TELO2: variants seen among roughly 807,000 people sequenced by gnomAD.
TELO2 encodes the protein telomere length regulation protein TEL2 homolog.
TELO2 carries 71 observed loss-of-function variants against 91.0 expected under a neutral mutation model. That is an observed-to-expected ratio of 0.78 (90% CI 0.64 to 0.95). TELO2 has a LOEUF of 0.95. Among genes scored for constraint, TELO2 ranks in the 40% least tolerant of loss-of-function variants. The pLI, the probability that TELO2 is intolerant of heterozygous loss-of-function variation, is 0.00. For missense variants in TELO2, 1,183 were observed against 1,141.3 expected (o/e 1.04, Z -0.53); for synonymous variants, 584 against 518.9 (o/e 1.13, Z -1.71).
intron 17 of TELO2, 89 bp downstream of exon 17, chr16:1,506,418 GT>G: frequency 6.2e-7 from 1 of 1,607,814 alleles, no homozygotes; most frequent in Admixed American, 1.7e-5. Context: ...TGGGATCTGA[GT>G]GGGTTTGGGT....
intron 20 of TELO2, 133 bp downstream of exon 20, chr16:1,507,849 G>T: frequency 1.3e-5 from 4 of 304,552 alleles, no homozygotes; most frequent in Admixed American, 4.4e-5. Flanking sequence ...GTTGGCCCGG[G>T]GTGTGTGTGT....
Position 1,494,669 on chromosome 16 carries a change from AGT to A in TELO2, c.335+55_335+56del. 1 of 1,534,882 alleles carries A rather than the reference AGT, an allele frequency of 6.5e-7. No homozygotes were observed. The highest frequency in any genetic ancestry group is 8.8e-7 in the Non-Finnish European group (1 of 1,137,066). On this transcript the variant is annotated intron_variant, in intron 2 of 20. Transcript: ENST00000262319. This position sits in a 1 kb window ranked among gnomAD's most constrained non-coding sequence, Gnocchi z 5.6. Reference sequence around the variant, plus strand: ...TGCCGGTAGCCTCAGAAGTGATGAGAGTGGCTTGAAGGACTGGACCAAGAGCC... The same window carrying A: ...TGCCGGTAGCCTCAGAAGTGATGAGAGGCTTGAAGGACTGGACCAAGAGCC...
Position 1,502,305 on chromosome 16 carries a change from C to T in TELO2, c.1562-8C>T, listed in dbSNP as rs1359944148. On this transcript the variant is annotated splice_region_variant and splice_polypyrimidine_tract_variant and intron_variant, in intron 12 of 20. Transcript: ENST00000262319. ...AGGCTGACCGAGGCCTCTCTGGGTTCTGTGCAGCCCTGACCACGTCTGAGG... is the reference window on the plus strand; with the variant it reads ...AGGCTGACCGAGGCCTCTCTGGGTTTTGTGCAGCCCTGACCACGTCTGAGG... 3.8e-6 allele frequency: 6 copies of T among 1,597,776 alleles called. No homozygotes were observed. Among genetic ancestry groups the T allele is most frequent in the African/African-American group, 1.3e-5 (1 of 74,666 alleles).
intron 9 of TELO2, among the ~76,000 whole-genome samples, chr16:1,500,929 C>T (rs530172206): frequency 1.3e-5 from 2 of 152,340 alleles, no homozygotes; most frequent in East Asian, 1.9e-4. Context: ...TGCCTGGACA[C>T]GTTCACAGAC....
chr16:1,503,655 C>T (rs919970151), intron 15 of TELO2, among the ~76,000 whole-genome samples: 1 of 152,160 alleles, frequency 6.6e-6, no homozygotes, highest in African/African-American at 2.4e-5. Flanking sequence ...TTAAGCGAGC[C>T]GTCCGGAGGA....
chr16:1,497,176 G>C lies in TELO2; in HGVS notation c.682+72G>C. ...GCCCATCAGCCTTCTGCAGAAGGCC[G>C]AGAATCCCTCCTGACCCTGGCCCTC... On this transcript the variant is annotated intron_variant, in intron 4 of 20. Transcript: ENST00000262319. The surrounding 1 kb of genome is among the most constrained non-coding windows in gnomAD (Gnocchi z 4.0). The C allele has an allele frequency of 6.3e-7, 1 of 1,589,134 alleles. No homozygotes were observed. The highest frequency in any genetic ancestry group is 8.6e-7 in the Non-Finnish European group (1 of 1,163,310).
Position 1,499,262 on chromosome 16 carries a change from C to G in TELO2, c.862C>G (p.Leu288Val). ...PEVLSRLLGN[L>V]VVKNKKAQFV... Reference sequence around the variant, plus strand: ...GGTCCTTTCGAGACTGCTGGGGAACCTGGTGGTGAAGAACAAGAAGGCCCA... The same window carrying G: ...GGTCCTTTCGAGACTGCTGGGGAACGTGGTGGTGAAGAACAAGAAGGCCCA... Residue 288 changes from leucine to valine, a missense_variant, in exon 6 of 21, where the codon CTG (leucine) becomes GTG (valine). Physicochemically the swap from Leu to Val is conservative, Grantham distance 32. Coordinates refer to ENST00000262319, the MANE Select transcript of TELO2 (RefSeq NM_016111.4). 2 of 1,614,066 alleles carry G rather than the reference C, an allele frequency of 1.2e-6. No individual in the cohort carries two copies.
At chr16:1,503,968 C>A (rs2039794710) in intron 15 of TELO2, among the ~76,000 whole-genome samples, 2 of 151,834 alleles carry the variant, frequency 1.3e-5, no homozygotes, top group Non-Finnish European at 2.9e-5. Context: ...CCTGTCATCT[C>A]CACCAGAAGA....
intron 6 of TELO2, among the ~76,000 whole-genome samples, chr16:1,499,822 A>G (rs1047147677): frequency 1.3e-5 from 2 of 152,240 alleles, no homozygotes; most frequent in African/African-American, 2.4e-5. Context: ...GCCCTGCCCC[A>G]GCACGGCAGC....
chr16:1,496,243 C>A (rs1338431607), intron 3 of TELO2, among the ~76,000 whole-genome samples: 7 of 152,228 alleles, frequency 4.6e-5, no homozygotes, highest in Non-Finnish European at 1.0e-4. Context: ...AAACTCCCTC[C>A]CTCGCTCAGG....
rs368691900 is a variant in TELO2, at chr16:1,507,625, G to C, written c.2316G>C (p.Ser772=). ...GCTACGTGCGCCAGGGGCTGTTGTC[G>C]GCCGTCTCCTCCGTCCTGCTCAGCC... ...IDAYVRQGLL[S]AVSSVLLSLP... The change falls in exon 20 of 21, where the codon TCG becomes TCC. Residue 772 remains serine (S), a synonymous_variant. Coordinates refer to ENST00000262319, the MANE Select transcript of TELO2 (RefSeq NM_016111.4). 6.3e-7 allele frequency: 1 copy of C among 1,595,746 alleles called. No individual in the cohort carries two copies. The highest frequency in any genetic ancestry group is 8.5e-7 in the Non-Finnish European group (1 of 1,178,174).
At position 1,509,232 on chromosome 16, in the gene TELO2, C is replaced by T. The variant is rs558857664; in HGVS notation, c.2408-598C>T. Among the ~76,000 whole-genome samples the T allele has an allele frequency of 4.6e-5, 7 of 152,200 alleles. No homozygotes were observed. In the South Asian group the frequency reaches 8.3e-4, roughly 18 times the overall value. On this transcript the variant is annotated intron_variant, in intron 20 of 20. Coordinates refer to ENST00000262319, the MANE Select transcript of TELO2 (RefSeq NM_016111.4). ...CCTTTCCACTCGGCTGGCGGGGTCCCGACAGGGTGTTCTCCTTTCACAGGC... is the reference window on the plus strand; with the variant it reads ...CCTTTCCACTCGGCTGGCGGGGTCCTGACAGGGTGTTCTCCTTTCACAGGC...
rs375992606 is a variant in TELO2 at position 1,495,472 on chromosome 16, G to A, written c.462G>A (p.Glu154=). ...QTQPGFILLR[E]TLLGKVVALP... ...AGCCCGGCTTCATCCTGCTCCGGGA[G>A]ACGCTGCTGGGCAAGGTGGTGGCCC... Residue 154 remains glutamate (E), a synonymous_variant, in exon 3 of 21, where the codon GAG becomes GAA. Coordinates refer to ENST00000262319, the MANE Select transcript of TELO2 (RefSeq NM_016111.4). 9.3e-6 allele frequency: 15 copies of A among 1,610,188 alleles called. No individual in the cohort carries two copies. The highest frequency in any genetic ancestry group is 5.3e-5 in the African/African-American group (4 of 74,902).
intron 15 of TELO2, among the ~76,000 whole-genome samples, chr16:1,504,156 C>T (rs556803296): frequency 2.7e-5 from 4 of 148,980 alleles, no homozygotes; most frequent in Non-Finnish European, 4.4e-5. Context: ...AAAAAGCAGC[C>T]GGCCACGGCG....
In TELO2 at chr16:1,505,607, T is replaced by G; in HGVS notation, c.2034+6T>G. ...AGACCCAGCGGCTCTCCAAGGTTAGTGGCGCCTGGTCAGCTCCTCACGGGC... is the reference window on the plus strand; with the variant it reads ...AGACCCAGCGGCTCTCCAAGGTTAGGGGCGCCTGGTCAGCTCCTCACGGGC... On this transcript the variant is annotated splice_donor_region_variant and intron_variant, in intron 16 of 20. Coordinates refer to ENST00000262319, the MANE Select transcript of TELO2 (RefSeq NM_016111.4). The surrounding 1 kb of genome is among the most constrained non-coding windows in gnomAD (Gnocchi z 4.3). The G allele has an allele frequency of 6.9e-7, 1 of 1,448,932 alleles. No homozygotes were observed. Among genetic ancestry groups the G allele is most frequent in the Non-Finnish European group, 9.3e-7 (1 of 1,070,988 alleles). 89.8% of individuals were successfully genotyped at this position (1,448,932 alleles called of 1,614,324 possible). A position where few individuals can be genotyped will look rare whatever the true frequency, so the allele number is the denominator to read the frequency against.
chr16:1,499,000 C>T (rs1032196544), intron 5 of TELO2, among the ~76,000 whole-genome samples: 4 of 152,178 alleles, frequency 2.6e-5, no homozygotes, highest in African/African-American at 4.8e-5. Flanking sequence ...GGGGTGGACC[C>T]GCCTCCGCCC....
rs1479853774 is a variant in TELO2, at chr16:1,500,338, C to T, written c.1003-9C>T. On this transcript the variant is annotated splice_polypyrimidine_tract_variant and intron_variant, in intron 7 of 20. Coordinates refer to ENST00000262319, the MANE Select transcript of TELO2 (RefSeq NM_016111.4). ...AGCCCCACACAGTCGTGGGCCATGC[C>T]ACCTGCAGGTGCTGAAGGAGCTGTT... is the stretch of plus-strand genomic sequence containing the variant. 1.9e-6 allele frequency: 3 copies of T among 1,579,172 alleles called. No individual in the cohort carries two copies. The highest frequency in any genetic ancestry group is 1.8e-5 in the Admixed American group (1 of 55,362).
rs1001396496 is a variant in TELO2, at chr16:1,506,149, C to A, written c.2035-89C>A. On this transcript the variant is annotated intron_variant, in intron 16 of 20. Coordinates refer to ENST00000262319, the MANE Select transcript of TELO2 (RefSeq NM_016111.4). ...GGAGGCAAGGCGAGGCTGAGGTCCA[C>A]GCTGCTTTGTGGGATCCTCTCGGGC... The A allele has an allele frequency of 1.1e-5, 16 of 1,442,914 alleles. No individual in the cohort carries two copies. In the African/African-American group the frequency reaches 1.7e-4, roughly 15 times the overall value. The allele number at this position is 1,442,914 out of a possible 1,614,324, so 89.4% of individuals were successfully genotyped here. A position where few individuals can be genotyped will look rare whatever the true frequency, so the allele number is the denominator to read the frequency against.
intron 17 of TELO2, 159 bp downstream of exon 17, chr16:1,506,488 C>T (rs1403495583): frequency 1.2e-5 from 18 of 1,479,722 alleles, no homozygotes; most frequent in South Asian, 1.1e-4. Flanking sequence ...TGGCAGGGAG[C>T]GTCCCGCAAG....
Sources: allele counts gnomAD v4.1 joint callset (sites outside exome capture counted in the v4.1 genomes callset), GRCh38; gene constraint gnomAD v4.1.1; non-coding constraint Gnocchi (gnomAD v3.1); transcripts MANE v1.5; gene names NCBI Gene and HGNC (gene_info 2026-07-23, HGNC 2026-07-21).